Variants in PTGER3 observed in about 807,000 individuals in gnomAD.
PTGER3 encodes prostaglandin E2 receptor EP3 subtype.
PTGER3 carries 22 observed loss-of-function variants against 34.7 expected under a neutral mutation model. The ratio of observed to expected loss-of-function variants is 0.63; its 90% confidence interval spans 0.45 to 0.91. The LOEUF (loss-of-function observed/expected upper bound fraction) is 0.91. PTGER3 is among the 40% of genes least tolerant of loss of function. PTGER3 has a pLI of 0.00. For synonymous variants in PTGER3, 241 were observed against 230.1 expected (o/e 1.05, Z -0.43); for missense variants, 468 against 519.4 (o/e 0.90, Z 0.96).
intron 2 of PTGER3, chr1:71,007,663 T>C (rs1657089590): frequency 2.0e-6 from 2 of 985,282 alleles, no homozygotes; most frequent in Non-Finnish European, 2.4e-6. Flanking sequence ...TATTAGTAAA[T>C]CACACGCATT....
intron 4 of PTGER3, among the ~76,000 whole-genome samples, chr1:70,860,996 A>G (rs1290737074): frequency 6.6e-6 from 1 of 152,188 alleles, no homozygotes; most frequent in South Asian, 2.1e-4. Flanking sequence ...AAGGAAAGTC[A>G]TAGAGTGGTA....
chr1:70,953,924 T>A, intron 2 of PTGER3: 1 of 475,414 alleles, frequency 2.1e-6, no homozygotes, highest in East Asian at 3.7e-5. Flanking sequence ...ACTAAAAGTA[T>A]AGCAAAAGAT....
intron 1 of PTGER3, among the ~76,000 whole-genome samples, chr1:71,015,189 C>T (rs1228708742): frequency 6.6e-6 from 1 of 152,152 alleles, no homozygotes; most frequent in Non-Finnish European, 1.5e-5. Context: ...AACCACTGGC[C>T]TCTGAAGGCC....
chr1:70,931,956 G>A (rs181703226), intron 4 of PTGER3, among the ~76,000 whole-genome samples: 2 of 152,202 alleles, frequency 1.3e-5, no homozygotes, highest in East Asian at 1.9e-4. Context: ...GCATTGTCAG[G>A]CTACAACTTT....
chr1:70,920,509 G>C (rs1441446499), intron 4 of PTGER3, among the ~76,000 whole-genome samples: 1 of 152,294 alleles, frequency 6.6e-6, no homozygotes, highest in South Asian at 2.1e-4. Context: ...TTTGAATAAA[G>C]TTATTAATGA....
chr1:70,909,152 T>C (rs1054109954), intron 4 of PTGER3, among the ~76,000 whole-genome samples: 4 of 152,196 alleles, frequency 2.6e-5, no homozygotes, highest in South Asian at 2.1e-4. Context: ...AGAGCTACTA[T>C]AAATAAAGCT....
At chr1:70,935,677 A>ATATG in intron 4 of PTGER3, among the ~76,000 whole-genome samples, 1 of 147,006 alleles carries the variant, frequency 6.8e-6, no homozygotes, top group African/African-American at 2.5e-5. Context: ...ATATAAATAT[A>ATATG]TATATATATA....
Position 70,880,020 on chromosome 1 carries a change from A to C in PTGER3, c.*24-27161T>G, listed in dbSNP as rs564461178. Among the ~76,000 whole-genome samples the C allele has an allele frequency of 5.3e-5, 8 of 152,128 alleles. No individual in the cohort carries two copies. In the South Asian group the frequency reaches 1.7e-3, roughly 32 times the overall value. On this transcript the variant is annotated intron_variant, in intron 4 of 4. Transcript: ENST00000370931. Reference sequence around the variant, plus strand: ...AGGCAGGAGAATACTTGAACCTGGGAGGCAGAAGTTGAAGTGAGCCAAGAT... The same window carrying C: ...AGGCAGGAGAATACTTGAACCTGGGCGGCAGAAGTTGAAGTGAGCCAAGAT...
chr1:70,863,422 G>T (rs1385755628), intron 4 of PTGER3, among the ~76,000 whole-genome samples: 1 of 152,126 alleles, frequency 6.6e-6, no homozygotes, highest in East Asian at 1.9e-4. Context: ...GAATACAGAT[G>T]ACTAATAATC....
chr1:70,876,579 A>G (rs1484458956), intron 4 of PTGER3, among the ~76,000 whole-genome samples: 1 of 151,948 alleles, frequency 6.6e-6, no homozygotes, highest in Non-Finnish European at 1.5e-5. Context: ...CAGGGTTTTC[A>G]TGTTGTGGGT....
chr1:70,957,141 C>T (rs538475542), intron 2 of PTGER3, among the ~76,000 whole-genome samples: 2 of 152,246 alleles, frequency 1.3e-5, no homozygotes, highest in African/African-American at 4.8e-5. Context: ...CCTCTGTTTT[C>T]GGTAATAACA....
Position 70,974,328 on chromosome 1 carries a change from A to T in PTGER3, c.1138T>A (p.Ser380Thr). 1 of 1,522,008 alleles carries T rather than the reference A, an allele frequency of 6.6e-7. No individual in the cohort carries two copies. Among genetic ancestry groups the T allele is most frequent in the Non-Finnish European group, 9.1e-7 (1 of 1,096,504 alleles). 94.3% of individuals were successfully genotyped at this position (1,522,008 alleles called of 1,614,324 possible). The change falls in exon 3 of 4, where the codon TCA (serine) becomes ACA (threonine). Residue 380 changes from serine (S) to threonine (T), a missense_variant. Ser to Thr is a moderately conservative substitution (Grantham distance 58). Transcript: ENST00000306666. Reference protein sequence around the residue: ...SSTSLPCQCSSTLMWSDHLER With the variant: ...SSTSLPCQCSTTLMWSDHLER ...AAATGGTCGCTCCACATCAAGGTTGAGGAACACTGGCAGGGTAAGGAGGTG... is the reference window on the plus strand; with the variant it reads ...AAATGGTCGCTCCACATCAAGGTTGTGGAACACTGGCAGGGTAAGGAGGTG...
At chr1:70,932,198 C>G (rs1372427346) in intron 4 of PTGER3, among the ~76,000 whole-genome samples, 4 of 152,180 alleles carry the variant, frequency 2.6e-5, no homozygotes, top group Non-Finnish European at 5.9e-5. Context: ...TTCCTCATCT[C>G]CATCTGAGAC....
intron 4 of PTGER3, among the ~76,000 whole-genome samples, chr1:70,887,609 C>T (rs1409883614): frequency 6.9e-6 from 1 of 145,932 alleles, no homozygotes; most frequent in Non-Finnish European, 1.5e-5. Context: ...TTGTTTATTG[C>T]TCCTATATAT....
chr1:70,924,337 G>C (rs1017598581), intron 4 of PTGER3, among the ~76,000 whole-genome samples: 1 of 152,134 alleles, frequency 6.6e-6, no homozygotes, highest in African/African-American at 2.4e-5. Context: ...AAAAATGGGA[G>C]ACTGGAAAGA....
At chr1:71,044,826 T>C (rs897375345) in intron 1 of PTGER3, among the ~76,000 whole-genome samples, 3 of 152,172 alleles carry the variant, frequency 2.0e-5, no homozygotes, top group Non-Finnish European at 4.4e-5. Flanking sequence ...ACTGCATTTT[T>C]TTTCCCTAGG....
chr1:70,982,604 A>T (rs558137787), intron 2 of PTGER3, among the ~76,000 whole-genome samples: 41 of 152,274 alleles, frequency 2.7e-4, no homozygotes, highest in Non-Finnish European at 2.9e-4. Context: ...CCTTAAAATA[A>T]AGACAAACAT....
At chr1:70,980,598 T>G (rs539502299) in intron 2 of PTGER3, among the ~76,000 whole-genome samples, 63 of 152,162 alleles carry the variant, frequency 4.1e-4, no homozygotes, top group African/African-American at 1.5e-3. Flanking sequence ...ATGGCACCAA[T>G]GCACTCCAGC....
At chr1:70,943,656 C>T (rs888875901) in intron 4 of PTGER3, among the ~76,000 whole-genome samples, 1 of 152,016 alleles carries the variant, frequency 6.6e-6, no homozygotes, top group African/African-American at 2.4e-5. Context: ...CAAGAGTGGT[C>T]ACTAGATACA....
Sources: gnomAD v4.1 joint callset for allele counts (sites outside exome capture counted in the v4.1 genomes callset) on GRCh38, gnomAD v4.1.1 for gene constraint, MANE v1.5 for transcripts, NCBI Gene and HGNC (gene_info 2026-07-23, HGNC 2026-07-21) for gene names.